Variants in SIPA1L1 observed in about 807,000 individuals in gnomAD.
SIPA1L1 encodes signal induced proliferation associated 1 like 1, also known as signal-induced proliferation-associated 1-like protein 1.
Under a neutral mutation model 162.7 loss-of-function variants are expected in SIPA1L1, and 26 were observed. The observed-to-expected ratio is 0.16, with a 90% CI of 0.12 to 0.22. The LOEUF (loss-of-function observed/expected upper bound fraction) is 0.22, where lower values mean the gene tolerates loss of function less well. Ranked by LOEUF, SIPA1L1 falls within the 10% of genes least tolerant of loss-of-function variation. The pLI is 1.00. For synonymous variants in SIPA1L1, 829 were observed against 837.4 expected, an observed-to-expected ratio of 0.99 and a Z score of 0.17; for missense variants, 1,874 against 2,241.0, an observed-to-expected ratio of 0.84 and a Z score of 3.31.
intron 2 of SIPA1L1, among the ~76,000 whole-genome samples, chr14:71,418,772 T>C (rs1291608530): frequency 6.6e-6 from 1 of 152,210 alleles, no homozygotes; most frequent in Non-Finnish European, 1.5e-5. Flanking sequence ...TTAAGTGCCT[T>C]TCCCCAAAAC....
chr14:71,645,367 G>A (rs369411176), intron 7 of SIPA1L1, among the ~76,000 whole-genome samples: 1 of 152,096 alleles, frequency 6.6e-6, no homozygotes. Context: ...CAGGATCTAG[G>A]GATTAGGAAG....
chr14:71,325,999 C>T (rs2140193552), intron 2 of SIPA1L1, among the ~76,000 whole-genome samples: 1 of 152,238 alleles, frequency 6.6e-6, no homozygotes, highest in African/African-American at 2.4e-5. Flanking sequence ...CACTCAAAGG[C>T]AACTTGAGCA....
intron 2 of SIPA1L1, among the ~76,000 whole-genome samples, chr14:71,375,336 A>G (rs1309051930): frequency 6.6e-6 from 1 of 152,180 alleles, no homozygotes; most frequent in Non-Finnish European, 1.5e-5. Context: ...GTATTAATAT[A>G]TACCAATATC....
intron 10 of SIPA1L1, among the ~76,000 whole-genome samples, chr14:71,668,881 C>T (rs772701055): frequency 2.1e-4 from 32 of 152,086 alleles, no homozygotes; most frequent in Non-Finnish European, 2.8e-4. Flanking sequence ...TACCAAGAAC[C>T]GTTTATAATT....
chr14:71,629,773 A>G (rs1216899427), intron 7 of SIPA1L1, among the ~76,000 whole-genome samples: 6 of 152,260 alleles, frequency 3.9e-5, no homozygotes, highest in African/African-American at 1.4e-4. Flanking sequence ...TTAAGAAGTT[A>G]TCCTTCAGGT....
At chr14:71,320,941 C>G (rs1279514024) in intron 1 of SIPA1L1, among the ~76,000 whole-genome samples, 181 bp from the exon 2 acceptor site, 1 of 152,016 alleles carries the variant, frequency 6.6e-6, no homozygotes, top group Non-Finnish European at 1.5e-5. Flanking sequence ...CCCCGCCAGC[C>G]TGTATTCCGG....
intron 4 of SIPA1L1, among the ~76,000 whole-genome samples, chr14:71,534,127 T>A (rs1205428460): frequency 1.3e-5 from 2 of 152,166 alleles, no homozygotes; most frequent in Non-Finnish European, 2.9e-5. Context: ...CTCTAAGAAT[T>A]GTGATCCTGT....
chr14:71,493,047 ATC>A (rs1188040888), intron 2 of SIPA1L1, among the ~76,000 whole-genome samples: 1 of 152,122 alleles, frequency 6.6e-6, no homozygotes, highest in Admixed American at 6.6e-5. Flanking sequence ...GAAAGAATAT[ATC>A]TGTGGTGCCT....
intron 7 of SIPA1L1, among the ~76,000 whole-genome samples, chr14:71,647,790 T>A (rs961571920): frequency 6.6e-6 from 1 of 152,192 alleles, no homozygotes; most frequent in African/African-American, 2.4e-5. Context: ...ATGAAACCTT[T>A]ACCTGTGGGA....
chr14:71,386,162 A>G (rs2040306269), intron 2 of SIPA1L1, among the ~76,000 whole-genome samples: 1 of 152,152 alleles, frequency 6.6e-6, no homozygotes, highest in Non-Finnish European at 1.5e-5. Context: ...AATAGGATAG[A>G]TGTATATATA....
In SIPA1L1 at chr14:71,424,081, A is replaced by G. The variant is rs1053356512; in HGVS notation, c.-464-88662A>G. Among the ~76,000 whole-genome samples, 5 of 152,052 alleles carry G rather than the reference A, an allele frequency of 3.3e-5. No homozygotes were observed. The East Asian group carries it at 9.6e-4, about 29-fold the overall frequency. On this transcript the variant is annotated intron_variant, in intron 2 of 23. Coordinates refer to ENST00000381232, the MANE Select transcript of SIPA1L1 (RefSeq NM_001386936.1). Reference sequence around the variant, plus strand: ...TTGTAATGTCCTTTTAAGATTGTCCATTGATAAGTATATAGAAATGCAACT... The same window carrying G: ...TTGTAATGTCCTTTTAAGATTGTCCGTTGATAAGTATATAGAAATGCAACT...
intron 4 of SIPA1L1, among the ~76,000 whole-genome samples, chr14:71,549,120 A>G (rs1190586084): frequency 1.3e-5 from 2 of 152,142 alleles, no homozygotes; most frequent in Non-Finnish European, 2.9e-5. Context: ...AGTGGTTTTA[A>G]GTGCTGGAGA....
Position 71,567,006 on chromosome 14 carries a change from G to T in SIPA1L1, c.-302-20565G>T, listed in dbSNP as rs145512792. On this transcript the variant is annotated intron_variant, in intron 4 of 23. Coordinates refer to ENST00000381232, the MANE Select transcript of SIPA1L1 (RefSeq NM_001386936.1). ...AAAAGACCTATTAGAAAAATGGACA[G>T]AACATAAGTGGGTAAGATCAGTAAA... is the stretch of plus-strand genomic sequence containing the variant. Among the ~76,000 whole-genome samples the T allele has an allele frequency of 2.2e-3, 341 of 152,286 alleles. 2 individuals carry two copies. The highest frequency in any genetic ancestry group is 4.1e-3 in the Non-Finnish European group (277 of 68,010).
At chr14:71,584,109 A>G (rs559415553) in intron 4 of SIPA1L1, among the ~76,000 whole-genome samples, 2 of 152,228 alleles carry the variant, frequency 1.3e-5, no homozygotes, top group Non-Finnish European at 2.9e-5. Context: ...GTCAAGAGAG[A>G]TAAACCATAG....
chr14:71,356,856 T>C (rs193035681), intron 2 of SIPA1L1, among the ~76,000 whole-genome samples: 1 of 152,206 alleles, frequency 6.6e-6, no homozygotes, highest in African/African-American at 2.4e-5. Flanking sequence ...CAGGGTTTTT[T>C]TTTTTTAATC....
intron 5 of SIPA1L1, among the ~76,000 whole-genome samples, chr14:71,609,589 C>T (rs1407029744): frequency 6.6e-6 from 1 of 152,036 alleles, no homozygotes; most frequent in Non-Finnish European, 1.5e-5. Flanking sequence ...GCCTCAGCCT[C>T]TCAAGTAGCT....
chr14:71,673,850 C>T (rs1566621096), intron 12 of SIPA1L1, among the ~76,000 whole-genome samples: 1 of 152,112 alleles, frequency 6.6e-6, no homozygotes, highest in South Asian at 2.1e-4. Context: ...CTTAGTTAAC[C>T]AGGTCTAATG....
chr14:71,387,540 G>A (rs1056514129), intron 2 of SIPA1L1, among the ~76,000 whole-genome samples: 1 of 152,128 alleles, frequency 6.6e-6, no homozygotes, highest in African/African-American at 2.4e-5. Flanking sequence ...GCCAAGAAAG[G>A]TGTGTGTGTG....
At chr14:71,390,905 A>G (rs754905418) in intron 2 of SIPA1L1, among the ~76,000 whole-genome samples, 34 of 152,210 alleles carry the variant, frequency 2.2e-4, no homozygotes, top group Non-Finnish European at 4.4e-4. Flanking sequence ...CTTCTATAGA[A>G]TTTTGATTTT....
Sources: gnomAD v4.1 joint callset for allele counts (sites outside exome capture counted in the v4.1 genomes callset) on GRCh38, gnomAD v4.1.1 for gene constraint, MANE v1.5 for transcripts, NCBI Gene and HGNC (gene_info 2026-07-23, HGNC 2026-07-21) for gene names.